FAT3: variants seen among roughly 807,000 people sequenced by gnomAD.
The protein encoded by FAT3 is FAT atypical cadherin 3, also known as protocadherin Fat 3.
In FAT3, 95 loss-of-function variants were observed where a neutral mutation model predicts 310.2. The observed-to-expected ratio is 0.31, with a 90% CI of 0.26 to 0.36. The LOEUF (loss-of-function observed/expected upper bound fraction) is 0.36, where lower values mean the gene tolerates loss of function less well. Ranked by LOEUF, FAT3 falls within the 10% of genes least tolerant of loss-of-function variation. FAT3 has a pLI of 1.00. For synonymous variants in FAT3, 2,314 were observed against 2,192.9 expected (o/e 1.06, Z -1.54); for missense variants, 5,408 against 5,715.6 (o/e 0.95, Z 1.74).
intron 1 of FAT3, among the ~76,000 whole-genome samples, chr11:92,310,360 T>C (rs1232688711): frequency 6.6e-6 from 1 of 152,182 alleles, no homozygotes; most frequent in Non-Finnish European, 1.5e-5. Context: ...AATACACATG[T>C]TGATAAATAT....
chr11:92,788,537 A>G (rs1591732707), intron 7 of FAT3, among the ~76,000 whole-genome samples: 2 of 152,174 alleles, frequency 1.3e-5, no homozygotes, highest in Non-Finnish European at 2.9e-5. Context: ...TAGAATTAGA[A>G]CATTATCAAT....
intron 3 of FAT3, among the ~76,000 whole-genome samples, chr11:92,612,718 G>A (rs1940623438): frequency 6.6e-6 from 1 of 152,150 alleles, no homozygotes; most frequent in Admixed American, 6.5e-5. Flanking sequence ...ACGTTTCAAG[G>A]AAGTGCTGTG....
chr11:92,585,026 T>TA (rs200949667), intron 3 of FAT3, among the ~76,000 whole-genome samples: 71 of 150,602 alleles, frequency 4.7e-4, no homozygotes, highest in East Asian at 3.5e-3. Flanking sequence ...TGCTAACTGC[T>TA]AAAAAAAAAT....
At chr11:92,853,911 G>A (rs1379883281) in intron 19 of FAT3, among the ~76,000 whole-genome samples, 1 of 152,170 alleles carries the variant, frequency 6.6e-6, no homozygotes, top group Admixed American at 6.5e-5. Context: ...CCAGCCCCCA[G>A]GCTTCAGATA....
intron 2 of FAT3, among the ~76,000 whole-genome samples, chr11:92,452,159 C>T (rs192233369): frequency 1.0e-3 from 154 of 150,678 alleles, no homozygotes; most frequent in African/African-American, 3.6e-3. Context: ...TGTGGGTATA[C>T]TGTCAACCAG....
At chr11:92,421,531 G>A (rs552528611) in intron 2 of FAT3, among the ~76,000 whole-genome samples, 3 of 152,284 alleles carry the variant, frequency 2.0e-5, no homozygotes, top group South Asian at 4.1e-4. Context: ...TGGTAATTGA[G>A]CAATTGTGTG....
In FAT3 at chr11:92,282,669, A is replaced by T. The variant is rs1451344498; in HGVS notation, c.-18+57495A>T. On this transcript the variant is annotated intron_variant, in intron 1 of 27. Coordinates refer to ENST00000525166, the MANE Select transcript of FAT3 (RefSeq NM_001367949.2). The stretch of plus-strand genomic sequence containing the variant: ...CTATCTCAAAAAATAAAAAAAAAAA[A>T]AAAGGATGTTGTAAATCACACATAT... Among the ~76,000 whole-genome samples the T allele has an allele frequency of 2.0e-5, 3 of 151,876 alleles. No homozygotes were observed. In the East Asian group the frequency reaches 5.8e-4, roughly 29 times the overall value.
chr11:92,753,798 G>GTGTGTGTATATATA, intron 4 of FAT3, among the ~76,000 whole-genome samples: 2 of 119,116 alleles, frequency 1.7e-5, no homozygotes, highest in African/African-American at 7.8e-5. Context: ...GTGTGTGTGT[G>GTGTGTGTATATATA]TATATATATA....
At chr11:92,806,293 T>TA in intron 11 of FAT3, 69 bp from the exon 12 acceptor site, 6 of 1,345,934 alleles carry the variant, frequency 4.5e-6, no homozygotes, top group Non-Finnish European at 6.1e-6. Context: ...AAATCCTATA[T>TA]AATGCTAAAT....
intron 19 of FAT3, among the ~76,000 whole-genome samples, chr11:92,850,559 G>A (rs1421066779): frequency 6.6e-6 from 1 of 152,154 alleles, no homozygotes; most frequent in African/African-American, 2.4e-5. Flanking sequence ...ACTTCTCACA[G>A]GCCATGAATT....
At chr11:92,533,603 G>A (rs1204502875) in intron 3 of FAT3, among the ~76,000 whole-genome samples, 1 of 152,162 alleles carries the variant, frequency 6.6e-6, no homozygotes, top group African/African-American at 2.4e-5. Context: ...ATAAAAGGAA[G>A]AGAGGAATCA....
chr11:92,572,700 A>G (rs1212143746), intron 3 of FAT3, among the ~76,000 whole-genome samples: 1 of 152,232 alleles, frequency 6.6e-6, no homozygotes. Context: ...ACTAATTGAA[A>G]TAGCTAGCTG....
At chr11:92,251,431 G>A (rs1376805921) in intron 1 of FAT3, among the ~76,000 whole-genome samples, 1 of 152,104 alleles carries the variant, frequency 6.6e-6, no homozygotes, top group East Asian at 1.9e-4. Context: ...GGCAAAAAAA[G>A]CAGGTACTTA....
chr11:92,663,362 G>C (rs990173938), intron 3 of FAT3, among the ~76,000 whole-genome samples: 3 of 152,150 alleles, frequency 2.0e-5, no homozygotes, highest in African/African-American at 4.8e-5. Context: ...GTTTGCACCT[G>C]ATACCACAGG....
chr11:92,809,752 T>G, intron 12 of FAT3, 91 bp from the exon 13 acceptor site: 6 of 943,928 alleles, frequency 6.4e-6, no homozygotes, highest in Non-Finnish European at 8.1e-6. Flanking sequence ...CTTCCTATGT[T>G]GAGAATTGTT....
intron 2 of FAT3, among the ~76,000 whole-genome samples, chr11:92,368,845 T>TATATATATATATATATATATATACATAC (rs1196442457): frequency 1.6e-4 from 23 of 145,878 alleles, no homozygotes; most frequent in African/African-American, 5.1e-4. Flanking sequence ...TATATATATA[T>TATATATATATATATATATATATACATAC]ATACACACAT....
chr11:92,416,705 A>T (rs952607480), intron 2 of FAT3, among the ~76,000 whole-genome samples: 1 of 152,200 alleles, frequency 6.6e-6, no homozygotes, highest in Admixed American at 6.5e-5. Context: ...AGCAGTTAAC[A>T]TCTAAGTAAT....
intron 2 of FAT3, among the ~76,000 whole-genome samples, chr11:92,358,184 T>A (rs1371801226): frequency 6.6e-6 from 1 of 151,774 alleles, no homozygotes; most frequent in African/African-American, 2.4e-5. Flanking sequence ...CTTAAAAAAA[T>A]AATAATTAAA....
At chr11:92,639,898 A>G (rs1330619455) in intron 3 of FAT3, among the ~76,000 whole-genome samples, 3 of 152,138 alleles carry the variant, frequency 2.0e-5, no homozygotes, top group African/African-American at 7.2e-5. Context: ...CCGGAGCTAC[A>G]TTGGTTCATG....
Sources: gnomAD v4.1 joint callset for allele counts (sites outside exome capture counted in the v4.1 genomes callset) on GRCh38, gnomAD v4.1.1 for gene constraint, MANE v1.5 for transcripts, NCBI Gene and HGNC (gene_info 2026-07-23, HGNC 2026-07-21) for gene names.